The following HPS3 variants were observed in gnomAD, a reference collection of about 807,000 sequenced individuals.
HPS3 encodes BLOC-2 complex member HPS3.
HPS3 carries 79 observed loss-of-function variants against 110.9 expected under a neutral mutation model. The observed-to-expected ratio is 0.71, with a 90% confidence interval of 0.59 to 0.86. The LOEUF is 0.86. HPS3 is among the 40% of genes least tolerant of loss of function. The pLI, the probability that HPS3 is intolerant of heterozygous loss-of-function variation, is 0.00. For synonymous variants in HPS3, 428 were observed against 451.0 expected (o/e 0.95, Z 0.65); for missense variants, 1,197 against 1,206.2 (o/e 0.99, Z 0.11).
chr3:149,151,276 G>A (rs1349604295), intron 6 of HPS3, among the ~76,000 whole-genome samples: 1 of 151,078 alleles, frequency 6.6e-6, no homozygotes, highest in East Asian at 1.9e-4. Context: ...CAAGCGATCT[G>A]CCTGCCTCAG....
intron 5 of HPS3, 103 bp from the exon 6 acceptor site, chr3:149,150,496 G>T: frequency 1.2e-6 from 1 of 806,760 alleles, no homozygotes; most frequent in Non-Finnish European, 2.2e-6. Context: ...ATACTTGACT[G>T]TCACCCCTGC....
chr3:149,148,713 T>G (rs12491163), intron 5 of HPS3, among the ~76,000 whole-genome samples: 32,486 of 151,678 alleles, frequency 0.21, 3,684 homozygotes, highest in African/African-American at 0.29. Flanking sequence ...CCATTTTTTT[T>G]TTTTTGTTGT....
Position 149,153,499 on chromosome 3 carries a change from C to T in HPS3, c.1251C>T (p.Cys417=). ...DPYMDTTLKA[C]PPVSMDVCAL... is the part of the protein sequence containing the mutation. ...ATGTGATTTTCCTTTACTAGGCTTG[C>T]CCACCTGTCAGTATGGATGTCTGTG... is the stretch of plus-strand genomic sequence containing the variant. Residue 417 remains cysteine (C), a synonymous_variant, in exon 7 of 17, where the codon TGC becomes TGT. Transcript: ENST00000296051. 1.9e-6 allele frequency: 3 copies of T among 1,613,290 alleles called. No homozygotes were observed. The highest frequency in any genetic ancestry group is 2.2e-5 in the East Asian group (1 of 44,882).
chr3:149,163,820 G>T (rs1724133123), intron 13 of HPS3, 22 bp from the exon 14 acceptor site: 2 of 1,285,068 alleles, frequency 1.6e-6, no homozygotes, highest in Non-Finnish European at 2.3e-6. Flanking sequence ...TTTTGTTTAT[G>T]AGAAATTCTT....
At position 149,167,044 on chromosome 3, in the gene HPS3, G is replaced by C. The variant is rs1724495529; in HGVS notation, c.2600G>C (p.Cys867Ser). 1.9e-6 allele frequency: 3 copies of C among 1,612,116 alleles called. No individual in the cohort carries two copies. The highest frequency in any genetic ancestry group is 2.5e-6 in the Non-Finnish European group (3 of 1,178,420). Reference sequence around the variant, plus strand: ...CTTTTCTGTTCATAGTCTCTTATATGTGGTCCTTCATTTGACATAGCTTCC... The same window carrying C: ...CTTTTCTGTTCATAGTCTCTTATATCTGGTCCTTCATTTGACATAGCTTCC... ...EDLSKLQSLICGPSFDIASII... is the reference protein window; with the variant it reads ...EDLSKLQSLISGPSFDIASII... The change falls in exon 15 of 17, where the codon TGT becomes TCT. Residue 867 changes from cysteine (C) to serine (S), a missense_variant. Transcript: ENST00000296051.
At chr3:149,148,399 CTT>C (rs66720211) in intron 5 of HPS3, among the ~76,000 whole-genome samples, 16,551 of 98,830 alleles carry the variant, frequency 0.17, 841 homozygotes, top group South Asian at 0.29. Context: ...CATATCAAGA[CTT>C]TTTTTTTTTT....
chr3:149,129,831 G>T lies in HPS3; in HGVS notation c.108G>T (p.Ala36=), dbSNP rs754086658. The T allele has an allele frequency of 6.2e-7, 1 of 1,605,224 alleles. No homozygotes were observed. Among genetic ancestry groups the T allele is most frequent in the South Asian group, 1.1e-5 (1 of 90,822 alleles). Reference sequence around the variant, plus strand: ...GGGGGCGTGACGCGCTTTTCGTGGCGGCGGGCTGCAAGGTGGAGGCGTTCG... The same window carrying T: ...GGGGGCGTGACGCGCTTTTCGTGGCTGCGGGCTGCAAGGTGGAGGCGTTCG... The part of the protein sequence containing the change: ...CGGGRDALFV[A]AGCKVEAFAV... The change falls in exon 1 of 17, where the codon GCG becomes GCT. Residue 36 remains alanine (A), a synonymous_variant. Transcript: ENST00000296051.
At chr3:149,147,234 T>C (rs1467329547) in intron 5 of HPS3, among the ~76,000 whole-genome samples, 1 of 152,158 alleles carries the variant, frequency 6.6e-6, no homozygotes, top group African/African-American at 2.4e-5. Context: ...TTTGAGATGC[T>C]TATAGATTAT....
chr3:149,145,291 T>G, intron 4 of HPS3, 63 bp from the exon 5 acceptor site: 1 of 1,276,510 alleles, frequency 7.8e-7, no homozygotes, highest in South Asian at 1.2e-5. Flanking sequence ...AGTCAATATA[T>G]GATTATTTCC....
rs141883346 is a variant in HPS3 at position 149,129,774 on chromosome 3, C to T, written c.51C>T (p.Pro17=). 1.2e-3 allele frequency: 1,867 copies of T among 1,608,694 alleles called. 1 individual carries two copies. Among genetic ancestry groups the T allele is most frequent in the Non-Finnish European group, 1.4e-3 (1,700 of 1,179,032 alleles). ...CGTTCGGGTCGCAGCAGGTGGTGCC[C>T]TGCAAGCTGGAGCCGGACCGGTTCT... ...LHPFGSQQVV[P]CKLEPDRFCG... Residue 17 remains proline (P), a synonymous_variant, in exon 1 of 17, where the codon CCC becomes CCT. Coordinates refer to ENST00000296051, the MANE Select transcript of HPS3 (RefSeq NM_032383.5).
intron 5 of HPS3, among the ~76,000 whole-genome samples, chr3:149,147,325 C>G (rs369190482): frequency 6.6e-6 from 1 of 151,138 alleles, no homozygotes; most frequent in South Asian, 2.1e-4. Context: ...GTTTTACTAC[C>G]GCCAAAAAAA....
chr3:149,139,229 G>C (rs890196064), intron 1 of HPS3, among the ~76,000 whole-genome samples: 5 of 152,196 alleles, frequency 3.3e-5, no homozygotes, highest in Admixed American at 1.3e-4. Flanking sequence ...CCTGGAGGGA[G>C]AGATTTATTA....
chr3:149,135,590 T>C (rs1722037119), intron 1 of HPS3, among the ~76,000 whole-genome samples: 2 of 152,200 alleles, frequency 1.3e-5, no homozygotes, highest in African/African-American at 4.8e-5. Context: ...TTAAACCTGT[T>C]TTCTTTATTA....
At chr3:149,141,446 T>C (rs1722449274) in intron 4 of HPS3, 66 bp downstream of exon 4, 2 of 1,268,934 alleles carry the variant, frequency 1.6e-6, no homozygotes, top group African/African-American at 1.5e-5. Flanking sequence ...GGGCTGGGAG[T>C]GAAGACCCAT....
intron 1 of HPS3, among the ~76,000 whole-genome samples, chr3:149,139,131 T>C (rs1722285470): frequency 6.6e-6 from 1 of 152,182 alleles, no homozygotes; most frequent in Non-Finnish European, 1.5e-5. Context: ...TGCTTATCAG[T>C]AAGGGAATTA....
intron 16 of HPS3, 180 bp downstream of exon 16, chr3:149,168,163 C>T: frequency 1.7e-6 from 1 of 592,202 alleles, no homozygotes; most frequent in Non-Finnish European, 3.1e-6. Flanking sequence ...TGATTTATCT[C>T]CTAGTCACAG....
At chr3:149,171,997 G>A (rs1378847934) in intron 16 of HPS3, 98 bp from the exon 17 acceptor site, 32 of 1,230,042 alleles carry the variant, frequency 2.6e-5, no homozygotes, top group East Asian at 1.5e-4. Flanking sequence ...GAGCCACCAC[G>A]CCTGGCCTGA....
intron 1 of HPS3, among the ~76,000 whole-genome samples, chr3:149,132,900 A>C (rs1721860610): frequency 6.6e-6 from 1 of 152,226 alleles, no homozygotes; most frequent in South Asian, 2.1e-4. Context: ...TTCAAGACTT[A>C]GGTGGATGAA....
At position 149,150,739 on chromosome 3, in the gene HPS3, C is replaced by G. The variant is rs7631157; in HGVS notation, c.1245+59C>G. 6.0e-3 allele frequency: 7,957 copies of G among 1,322,922 alleles called. 385 individuals carry two copies. The African/African-American group carries it at 0.1, about 17-fold the overall frequency. The allele number at this position is 1,322,922 out of a possible 1,614,324, so 81.9% of individuals were successfully genotyped here. On this transcript the variant is annotated intron_variant, in intron 6 of 16. Coordinates refer to ENST00000296051, the MANE Select transcript of HPS3 (RefSeq NM_032383.5). ...AAGATCACAAGGGAGCACATGAATA[C>G]TCGTAGATTTGCTCTCAGACCTAAG...
Sources: gnomAD v4.1 joint callset for allele counts (sites outside exome capture counted in the v4.1 genomes callset) on GRCh38, gnomAD v4.1.1 for gene constraint, MANE v1.5 for transcripts, NCBI Gene and HGNC (gene_info 2026-07-23, HGNC 2026-07-21) for gene names.